The following CHFR variants were observed in gnomAD, a reference collection of about 807,000 sequenced individuals.
The protein encoded by CHFR is E3 ubiquitin-protein ligase CHFR.
In CHFR, 57 loss-of-function variants were observed where a neutral mutation model predicts 87.6. That is an observed-to-expected ratio of 0.65 (90% confidence interval 0.53 to 0.81). The LOEUF is 0.81. Ranked by LOEUF, CHFR falls within the 30% of genes least tolerant of loss-of-function variation. The pLI is 0.00. For missense variants in CHFR, 797 were observed against 865.8 expected, an observed-to-expected ratio of 0.92 and a Z score of 1.00; for synonymous variants, 381 against 359.2, an observed-to-expected ratio of 1.06 and a Z score of -0.69.
chr12:132,862,490 G>C, intron 6 of CHFR: 1 of 427,746 alleles, frequency 2.3e-6, no homozygotes, highest in South Asian at 1.7e-5. Flanking sequence ...TATGGTCCCA[G>C]CTACTCAGGA....
chr12:132,841,641 G>A, intron 17 of CHFR, 45 bp from the exon 18 acceptor site: 1 of 1,498,508 alleles, frequency 6.7e-7, no homozygotes, highest in Non-Finnish European at 9.3e-7. Flanking sequence ...GCATTGGAGA[G>A]GCAATCAAAT....
At chr12:132,846,572 C>T (rs1437721493) in intron 15 of CHFR, among the ~76,000 whole-genome samples, 5 of 151,854 alleles carry the variant, frequency 3.3e-5, no homozygotes, top group African/African-American at 1.2e-4. Flanking sequence ...ACCCGGCCCA[C>T]GCTCAACTTT....
At chr12:132,859,884 T>C (rs972690848) in intron 7 of CHFR, among the ~76,000 whole-genome samples, 3 of 151,494 alleles carry the variant, frequency 2.0e-5, no homozygotes, top group African/African-American at 4.8e-5. Flanking sequence ...TCTAAAAAAA[T>C]GGGAAAAAAA....
chr12:132,862,489 A>T, intron 6 of CHFR: 1 of 428,596 alleles, frequency 2.3e-6, no homozygotes, highest in Non-Finnish European at 4.6e-6. Flanking sequence ...ATATGGTCCC[A>T]GCTACTCAGG....
intron 12 of CHFR, among the ~76,000 whole-genome samples, chr12:132,850,555 A>C (rs1950917244): frequency 6.6e-6 from 1 of 152,170 alleles, no homozygotes; most frequent in African/African-American, 2.4e-5. Context: ...GCGACCGCCC[A>C]GATCACCGGG....
chr12:132,845,964 CTT>C (rs1314291927), intron 15 of CHFR, among the ~76,000 whole-genome samples: 1 of 152,224 alleles, frequency 6.6e-6, no homozygotes. Context: ...CCTCCTTGCT[CTT>C]GTTACCCAAT....
chr12:132,872,250 C>T lies in CHFR; in HGVS notation c.343+35G>A, dbSNP rs369961753. 132 of 1,405,858 alleles carry T rather than the reference C, an allele frequency of 9.4e-5. No individual in the cohort carries two copies. In the African/African-American group the frequency reaches 1.4e-3, roughly 15 times the overall value. 87.1% of individuals were successfully genotyped at this position (1,405,858 alleles called of 1,614,324 possible). On this transcript the variant is annotated intron_variant, in intron 4 of 17. Transcript: ENST00000450056. ...GAGCGCCCTCACGTGCACCCCCGTG[C>T]GGGTCTGACCCCGGCAAGCCTTCCT...
chr12:132,873,181 C>T (rs1315175857), intron 3 of CHFR, among the ~76,000 whole-genome samples: 1 of 152,222 alleles, frequency 6.6e-6, no homozygotes, highest in African/African-American at 2.4e-5. Flanking sequence ...GTGGACAGAA[C>T]TCACATCCGA....
chr12:132,864,863 T>A (rs1244608914), intron 6 of CHFR, among the ~76,000 whole-genome samples: 1 of 152,060 alleles, frequency 6.6e-6, no homozygotes, highest in Non-Finnish European at 1.5e-5. Flanking sequence ...TATCAAAAAA[T>A]TATGCAAACC....
At chr12:132,857,607 C>T (rs773650672) in intron 8 of CHFR, 48 bp from the exon 9 acceptor site, 60 of 1,583,624 alleles carry the variant, frequency 3.8e-5, no homozygotes, top group African/African-American at 3.8e-4. Context: ...CAGATGCAAC[C>T]GCGACCCTCG....
In CHFR at chr12:132,871,935, A is replaced by G. The variant is rs137935176; in HGVS notation, c.343+350T>C. On this transcript the variant is annotated intron_variant, in intron 4 of 17. Transcript: ENST00000450056. ...TTTCTTGTAAGGTCTCCAAAAGCAG[A>G]ACCATCAATGGCCTCCAGACCCCTG... 3.3e-3 allele frequency: 783 copies of G among 235,406 alleles called. 6 individuals are homozygous for G. The highest frequency in any genetic ancestry group is 0.017 in the African/African-American group (738 of 44,664). 14.6% of individuals were successfully genotyped at this position (235,406 alleles called of 1,614,324 possible).
chr12:132,875,677 C>G (rs1951614889), intron 3 of CHFR, among the ~76,000 whole-genome samples: 1 of 152,170 alleles, frequency 6.6e-6, no homozygotes, highest in Non-Finnish European at 1.5e-5. Context: ...ACACAGACTT[C>G]CCTTCCGAGA....
chr12:132,854,961 GC>G (rs1467618555), intron 10 of CHFR: 1 of 151,798 alleles, frequency 6.6e-6, no homozygotes, highest in East Asian at 1.9e-4. Context: ...AAAATTAGCG[GC>G]CGGGCGCGGT....
intron 10 of CHFR, 52 bp downstream of exon 10, chr12:132,856,416 G>C (rs2136961451): frequency 6.3e-7 from 1 of 1,596,500 alleles, no homozygotes; most frequent in Non-Finnish European, 8.6e-7. Flanking sequence ...GGTCACGGTT[G>C]TGATGCTCCT....
chr12:132,862,260 A>G (rs571355551), intron 6 of CHFR: 66 of 256,166 alleles, frequency 2.6e-4, no homozygotes, highest in Middle Eastern at 3.2e-3. Context: ...GGGCAACAAG[A>G]GCGAAACTCC....
chr12:132,868,683 A>C (rs55939852), intron 6 of CHFR, among the ~76,000 whole-genome samples: 31,068 of 149,734 alleles, frequency 0.21, 4,111 homozygotes, highest in Non-Finnish European at 0.31. Context: ...CCGTCTCAAC[A>C]ACAACAAAAA....
chr12:132,887,157 GCCCGGCCCCGGCC>G lies in CHFR; in HGVS notation c.133+26_133+38del, dbSNP rs757712188. On this transcript the variant is annotated intron_variant, in intron 2 of 17. Coordinates refer to ENST00000450056, the MANE Select transcript of CHFR (RefSeq NM_001161346.2). ...GGCCTGCCCGCAACCCGGTGGCTCT[GCCCGGCCCCGGCC>G]CCCGGCCCCGGCCTCAGCCCCGCAC... 396 of 1,442,844 alleles carry G rather than the reference GCCCGGCCCCGGCC, an allele frequency of 2.7e-4. 1 individual carries two copies. Among genetic ancestry groups the G allele is most frequent in the East Asian group, 9.0e-4 (30 of 33,474 alleles). The allele number at this position is 1,442,844 out of a possible 1,614,324, so 89.4% of individuals were successfully genotyped here. A position where few individuals can be genotyped will look rare whatever the true frequency, so the allele number is the denominator to read the frequency against.
chr12:132,887,469 C>T (rs1951928447), intron 1 of CHFR, 78 bp downstream of exon 1: 1 of 598,188 alleles, frequency 1.7e-6, no homozygotes, highest in South Asian at 6.9e-5. Context: ...GCCTGGACGC[C>T]GGCGGGCGCC....
At chr12:132,844,574 G>T (rs1950776621) in intron 15 of CHFR, among the ~76,000 whole-genome samples, 1 of 151,096 alleles carries the variant, frequency 6.6e-6, no homozygotes, top group Middle Eastern at 3.4e-3. Context: ...GTGAGCCACT[G>T]CGCCCGGCCA....
Sources: allele counts gnomAD v4.1 joint callset (sites outside exome capture counted in the v4.1 genomes callset), GRCh38; gene constraint gnomAD v4.1.1; transcripts MANE v1.5; gene names NCBI Gene and HGNC (gene_info 2026-07-23, HGNC 2026-07-21).